Variants in SPATA6L observed in about 807,000 individuals in gnomAD.
SPATA6L encodes the protein spermatogenesis associated 6 like.
A neutral mutation model predicts 49.2 loss-of-function variants in SPATA6L; 68 were observed. That is an observed-to-expected ratio of 1.38 (90% CI 1.14 to 1.69). The LOEUF is 1.69. Among genes scored for constraint, SPATA6L ranks in the 40% most tolerant of loss-of-function variants. SPATA6L has a pLI of 0.00. For missense variants in SPATA6L, 668 were observed against 464.3 expected, an observed-to-expected ratio of 1.44 and a Z score of -4.03; for synonymous variants, 198 against 165.7, an observed-to-expected ratio of 1.19 and a Z score of -1.50.
intron 3 of SPATA6L, among the ~76,000 whole-genome samples, chr9:4,637,664 G>A (rs1300030139): frequency 6.6e-6 from 1 of 152,138 alleles, no homozygotes; most frequent in Non-Finnish European, 1.5e-5. Flanking sequence ...TTTTAAAATT[G>A]AACTTCAATG....
At chr9:4,640,833 T>TTA (rs1833876340) in intron 3 of SPATA6L, among the ~76,000 whole-genome samples, 1 of 152,094 alleles carries the variant, frequency 6.6e-6, no homozygotes, top group African/African-American at 2.4e-5. Context: ...GATTGTAAAT[T>TTA]AAAAAAACAA....
chr9:4,662,452 G>A lies in SPATA6L; in HGVS notation c.40-416C>T. ...TCGAGCAGCAGCAGCAGCCCCGGCA[G>A]CCCAGCCCATGGCGGCGGTGGCGGC... On this transcript the variant is annotated intron_variant, in intron 1 of 11. Transcript: ENST00000682582. This position sits in a 1 kb window ranked among gnomAD's most constrained non-coding sequence, Gnocchi z 4.9. 1 of 1,546,534 alleles carries A rather than the reference G, an allele frequency of 6.5e-7. No individual in the cohort carries two copies. The highest frequency in any genetic ancestry group is 8.7e-7 in the Non-Finnish European group (1 of 1,155,070).
chr9:4,652,981 T>TA (rs1161225512), intron 3 of SPATA6L, among the ~76,000 whole-genome samples: 3 of 152,104 alleles, frequency 2.0e-5, no homozygotes, highest in African/African-American at 7.2e-5. Context: ...TCCCTGTCAA[T>TA]ATCCTAGCTG....
intron 3 of SPATA6L, among the ~76,000 whole-genome samples, chr9:4,655,021 T>A (rs2060329912): frequency 6.6e-6 from 1 of 152,208 alleles, no homozygotes; most frequent in Admixed American, 6.5e-5. Context: ...TGTATCAATA[T>A]GACCCAGCAA....
intron 9 of SPATA6L, among the ~76,000 whole-genome samples, chr9:4,614,467 T>G (rs1827505970): frequency 6.6e-6 from 1 of 152,094 alleles, no homozygotes; most frequent in Non-Finnish European, 1.5e-5. Context: ...AAAAGAACAC[T>G]GAGTGAGTGG....
At chr9:4,601,510 A>G (rs1823267035) in intron 11 of SPATA6L, among the ~76,000 whole-genome samples, 1 of 152,158 alleles carries the variant, frequency 6.6e-6, no homozygotes, top group Non-Finnish European at 1.5e-5. Context: ...CAACCCCTTC[A>G]ACCCATTTCT....
chr9:4,653,128 G>T (rs527820148), intron 3 of SPATA6L, among the ~76,000 whole-genome samples: 1 of 152,258 alleles, frequency 6.6e-6, no homozygotes, highest in South Asian at 2.1e-4. Flanking sequence ...ACAAAGCTAC[G>T]GTAACAGGAT....
chr9:4,647,991 C>T (rs1034703684), intron 3 of SPATA6L, among the ~76,000 whole-genome samples: 14 of 151,962 alleles, frequency 9.2e-5, no homozygotes, highest in Non-Finnish European at 1.8e-4. Flanking sequence ...CGTACCACAG[C>T]GCCCAGCTAC....
chr9:4,600,549 T>G lies in SPATA6L; in HGVS notation c.*262A>C, dbSNP rs1020970798. The G allele has an allele frequency of 6.8e-6, 1 of 147,434 alleles. No homozygotes were observed. The highest frequency in any genetic ancestry group is 1.5e-5 in the Non-Finnish European group (1 of 66,498). 9.1% of individuals were successfully genotyped at this position (147,434 alleles called of 1,614,324 possible). ...AGCACCTGCCACCCAACTACAGCGC[T>G]TTCTCTTTCATGTTCAAAACAAACA... On this transcript the variant is annotated 3_prime_UTR_variant, in exon 12 of 12. Transcript: ENST00000682582.
At chr9:4,634,932 C>A (rs1012190928) in intron 4 of SPATA6L, among the ~76,000 whole-genome samples, 12 of 152,020 alleles carry the variant, frequency 7.9e-5, no homozygotes, top group African/African-American at 1.2e-4. Flanking sequence ...AAATTGAAAG[C>A]GCAAAATAAA....
chr9:4,629,749 TTA>T (rs889054111), intron 4 of SPATA6L, among the ~76,000 whole-genome samples: 1 of 124,076 alleles, frequency 8.1e-6, no homozygotes, highest in African/African-American at 3.5e-5. Context: ...ATATTGTGTT[TTA>T]TATATGTGTG....
rs571938494 is a variant in SPATA6L, at chr9:4,628,916, A to G, written c.429+175T>C. On this transcript the variant is annotated intron_variant, in intron 5 of 11. Transcript: ENST00000682582. ...ACGTATGTACCAAACATACTCTAAT[A>G]TGACTGGCTGAGCAAACAGTTTGAA... 5 of 587,544 alleles carry G rather than the reference A, an allele frequency of 8.5e-6. 1 individual carries two copies. The South Asian group carries it at 1.0e-4, about 12-fold the overall frequency. 36.4% of individuals were successfully genotyped at this position (587,544 alleles called of 1,614,324 possible). A position where few individuals can be genotyped will look rare whatever the true frequency, so the allele number is the denominator to read the frequency against.
chr9:4,607,705 G>C (rs977759943), intron 9 of SPATA6L, among the ~76,000 whole-genome samples: 2 of 152,264 alleles, frequency 1.3e-5, no homozygotes, highest in South Asian at 4.2e-4. Flanking sequence ...AAAATGTAAA[G>C]ACCGTCGAGA....
intron 3 of SPATA6L, among the ~76,000 whole-genome samples, chr9:4,646,066 G>T (rs1249641788): frequency 1.3e-5 from 2 of 151,906 alleles, no homozygotes; most frequent in East Asian, 1.9e-4. Flanking sequence ...ATTTGGCTGG[G>T]GACTATAGTT....
chr9:4,648,655 G>A (rs750733032), intron 3 of SPATA6L, among the ~76,000 whole-genome samples: 2 of 151,464 alleles, frequency 1.3e-5, no homozygotes, highest in South Asian at 4.2e-4. Context: ...AGCCGAGATT[G>A]CGCCACTGCA....
chr9:4,629,220 G>T (rs752851699), intron 4 of SPATA6L, 52 bp from the exon 5 acceptor site: 21 of 1,277,854 alleles, frequency 1.6e-5, no homozygotes, highest in Middle Eastern at 1.9e-4. Context: ...CAGTTCTTTA[G>T]CCATCTCCTT....
At chr9:4,639,804 A>G (rs1587328213) in intron 3 of SPATA6L, among the ~76,000 whole-genome samples, 1 of 152,224 alleles carries the variant, frequency 6.6e-6, no homozygotes, top group Non-Finnish European at 1.5e-5. Context: ...GGCTGAAGGA[A>G]TATCCAACAT....
At chr9:4,589,294 T>C (rs1292575185) in intron 13 of SPATA6L, among the ~76,000 whole-genome samples, 1 of 152,232 alleles carries the variant, frequency 6.6e-6, no homozygotes, top group Non-Finnish European at 1.5e-5. Context: ...CCCCTGCTTC[T>C]GGGAAAAAAC....
At chr9:4,657,365 T>G (rs1396745421) in intron 2 of SPATA6L, among the ~76,000 whole-genome samples, 1 of 152,108 alleles carries the variant, frequency 6.6e-6, no homozygotes, top group South Asian at 2.1e-4. Context: ...CCCCCAAAAA[T>G]TCATGGAATG....
Sources: allele counts gnomAD v4.1 joint callset (sites outside exome capture counted in the v4.1 genomes callset), GRCh38; gene constraint gnomAD v4.1.1; non-coding constraint Gnocchi (gnomAD v3.1); transcripts MANE v1.5; gene names NCBI Gene and HGNC (gene_info 2026-07-23, HGNC 2026-07-21).